Variants in NAA25 observed in about 807,000 individuals in gnomAD.
NAA25 encodes the protein N-terminal acetyltransferase B complex subunit NAA25.
NAA25 carries 30 observed loss-of-function variants against 132.5 expected under a neutral mutation model. The ratio of observed to expected loss-of-function variants is 0.23; its 90% CI spans 0.17 to 0.31. The LOEUF (loss-of-function observed/expected upper bound fraction) is 0.31. Ranked by LOEUF, NAA25 falls within the 10% of genes least tolerant of loss-of-function variation. The pLI is 1.00. For synonymous variants in NAA25, 359 were observed against 401.9 expected, an observed-to-expected ratio of 0.89 and a Z score of 1.28; for missense variants, 771 against 1,150.4, an observed-to-expected ratio of 0.67 and a Z score of 4.77.
chr12:112,068,772 C>T (rs1377132608), intron 11 of NAA25, 108 bp downstream of exon 11: 2 of 633,878 alleles, frequency 3.2e-6, no homozygotes, highest in Middle Eastern at 2.8e-4. Flanking sequence ...ATCATTGTAT[C>T]TCATGATTAT....
At chr12:112,063,077 G>A (rs1204023778) in intron 11 of NAA25, among the ~76,000 whole-genome samples, 1 of 151,534 alleles carries the variant, frequency 6.6e-6, no homozygotes, top group African/African-American at 2.4e-5. Context: ...AAGAAGAAAA[G>A]AATAATACAT....
Position 112,029,399 on chromosome 12 carries a change from C to G in NAA25, c.*132G>C. ...TATATTTAACACCTAAAAAAATTCA[C>G]GATCAAAGTCCTTCATGCATTTTAT... is the stretch of plus-strand genomic sequence containing the variant. On this transcript the variant is annotated 3_prime_UTR_variant, in exon 24 of 24. Coordinates refer to ENST00000261745, the MANE Select transcript of NAA25 (RefSeq NM_024953.4). 1 of 1,414,632 alleles carries G rather than the reference C, an allele frequency of 7.1e-7. No individual in the cohort carries two copies. Among genetic ancestry groups the G allele is most frequent in the Non-Finnish European group, 9.6e-7 (1 of 1,045,336 alleles). The allele number at this position is 1,414,632 out of a possible 1,614,324, so 87.6% of individuals were successfully genotyped here.
At chr12:112,077,516 G>A (rs1224464928) in intron 7 of NAA25, among the ~76,000 whole-genome samples, 1 of 151,868 alleles carries the variant, frequency 6.6e-6, no homozygotes, top group African/African-American at 2.4e-5. Context: ...CAGTGTGGTG[G>A]TGTGTGCCCG....
At chr12:112,038,000 T>C (rs910435871) in intron 22 of NAA25, among the ~76,000 whole-genome samples, 1 of 152,104 alleles carries the variant, frequency 6.6e-6, no homozygotes, top group African/African-American at 2.4e-5. Flanking sequence ...TTGAGATAAG[T>C]GGAAAACTTT....
chr12:112,071,832 A>C (rs2078813158), intron 10 of NAA25, 63 bp downstream of exon 10: 2 of 1,188,970 alleles, frequency 1.7e-6, no homozygotes, highest in East Asian at 2.8e-5. Flanking sequence ...ATCTCAACTA[A>C]TGAATATAGC....
In NAA25 at chr12:112,043,619, T is replaced by C. The variant is rs781325415; in HGVS notation, c.2250+6A>G. On this transcript the variant is annotated splice_donor_region_variant and intron_variant, in intron 18 of 23. Coordinates refer to ENST00000261745, the MANE Select transcript of NAA25 (RefSeq NM_024953.4). Reference sequence around the variant, plus strand: ...AACTTTGATGGTAAATATGTATTGATGGTACCTGAATATCCTTCTCAATAA... The same window carrying C: ...AACTTTGATGGTAAATATGTATTGACGGTACCTGAATATCCTTCTCAATAA... 8 of 1,613,854 alleles carry C rather than the reference T, an allele frequency of 5.0e-6. No individual in the cohort carries two copies. In the African/African-American group the frequency reaches 5.3e-5, roughly 11 times the overall value.
At chr12:112,048,875 C>G (rs1026928366) in intron 15 of NAA25, among the ~76,000 whole-genome samples, 2 of 151,200 alleles carry the variant, frequency 1.3e-5, no homozygotes, top group African/African-American at 4.9e-5. Context: ...CTGCCCCCCG[C>G]CCCCCCAAAT....
At position 112,054,583 on chromosome 12, in the gene NAA25, C is replaced by T. The variant is rs377123732; in HGVS notation, c.1448-15G>A. 158 of 1,608,322 alleles carry T rather than the reference C, an allele frequency of 9.8e-5. No homozygotes were observed. Among genetic ancestry groups the T allele is most frequent in the African/African-American group, 9.3e-4 (70 of 74,896 alleles). On this transcript the variant is annotated splice_polypyrimidine_tract_variant and intron_variant, in intron 13 of 23. Coordinates refer to ENST00000261745, the MANE Select transcript of NAA25 (RefSeq NM_024953.4). ...GGTCTCATCACCTAGAACCAAAATA[C>T]AGCATTATCCACTGATCTTGACAGC... is the stretch of plus-strand genomic sequence containing the variant.
At chr12:112,048,513 C>A in intron 15 of NAA25, 70 bp from the exon 16 acceptor site, 4 of 1,358,754 alleles carry the variant, frequency 2.9e-6, no homozygotes, top group South Asian at 1.3e-5. Flanking sequence ...ACCTTGCCAG[C>A]CAAAACAAAA....
intron 1 of NAA25, among the ~76,000 whole-genome samples, chr12:112,094,767 C>A (rs942762624): frequency 6.6e-6 from 1 of 152,168 alleles, no homozygotes; most frequent in Non-Finnish European, 1.5e-5. Context: ...TCAAGCAATT[C>A]TCCTGCCTCA....
chr12:112,047,326 G>A (rs1483411385), intron 17 of NAA25, among the ~76,000 whole-genome samples: 1 of 151,090 alleles, frequency 6.6e-6, no homozygotes, highest in East Asian at 1.9e-4. Context: ...CCGCTCCCTG[G>A]GTTCAAACAA....
chr12:112,041,169 C>A (rs2078296233), intron 20 of NAA25, among the ~76,000 whole-genome samples: 2 of 150,362 alleles, frequency 1.3e-5, no homozygotes, highest in Non-Finnish European at 3.0e-5. Flanking sequence ...AAAAAAAAAT[C>A]ATTTAGGGTC....
intron 19 of NAA25, among the ~76,000 whole-genome samples, chr12:112,042,711 TG>T (rs1325358683): frequency 6.6e-6 from 1 of 152,232 alleles, no homozygotes; most frequent in Admixed American, 6.5e-5. Flanking sequence ...TTTGCCATGT[TG>T]GCCAGGCTGG....
chr12:112,042,359 G>A (rs943384923), intron 19 of NAA25: 6 of 216,964 alleles, frequency 2.8e-5, no homozygotes, highest in Non-Finnish European at 4.5e-5. Flanking sequence ...AAATCTATGT[G>A]CTTCAAACAC....
At chr12:112,041,161 A>G in intron 20 of NAA25, among the ~76,000 whole-genome samples, 1 of 151,718 alleles carries the variant, frequency 6.6e-6, no homozygotes. Context: ...TGGGGGGAAA[A>G]AAAAAATCAT....
At position 112,078,748 on chromosome 12, in the gene NAA25, GA is replaced by G; in HGVS notation, c.478-8del. 1 of 1,603,578 alleles carries G rather than the reference GA, an allele frequency of 6.2e-7. No homozygotes were observed. The highest frequency in any genetic ancestry group is 8.5e-7 in the Non-Finnish European group (1 of 1,171,886). The stretch of plus-strand genomic sequence containing the variant: ...CATCCTGTGCCGATATAGACTGAAA[GA>G]AGAAAAATAATGTTTCATTCTAATT... On this transcript the variant is annotated splice_region_variant and splice_polypyrimidine_tract_variant and intron_variant, in intron 5 of 23. Transcript: ENST00000261745.
intron 15 of NAA25, among the ~76,000 whole-genome samples, chr12:112,051,372 G>A (rs933475984): frequency 6.6e-6 from 1 of 152,044 alleles, no homozygotes; most frequent in Admixed American, 6.6e-5. Context: ...CACCATGCCT[G>A]GCTAATTTTT....
intron 1 of NAA25, among the ~76,000 whole-genome samples, chr12:112,106,388 G>GT (rs1412697300): frequency 2.7e-5 from 4 of 148,484 alleles, no homozygotes; most frequent in Non-Finnish European, 4.5e-5. Flanking sequence ...AGTGTTTTTA[G>GT]TTTAAAAAAA....
intron 17 of NAA25, among the ~76,000 whole-genome samples, chr12:112,046,665 C>T (rs375104754): frequency 3.9e-5 from 6 of 152,346 alleles, no homozygotes; most frequent in African/African-American, 1.4e-4. Context: ...TATAGGAAGA[C>T]TGTATAAAAT....
Sources: allele counts gnomAD v4.1 joint callset (sites outside exome capture counted in the v4.1 genomes callset), GRCh38; gene constraint gnomAD v4.1.1; transcripts MANE v1.5; gene names NCBI Gene and HGNC (gene_info 2026-07-23, HGNC 2026-07-21).